Variants in MYO16 observed in about 807,000 individuals in gnomAD.
MYO16 encodes the protein myosin XVI.
A neutral mutation model predicts 205.3 loss-of-function variants in MYO16; 94 were observed. The ratio of observed to expected loss-of-function variants is 0.46; its 90% CI spans 0.39 to 0.54. MYO16 has a LOEUF of 0.54. MYO16 is among the 20% of genes least tolerant of loss of function. The pLI is 0.00. For synonymous variants in MYO16, 988 were observed against 954.0 expected (o/e 1.04, Z -0.66); for missense variants, 2,315 against 2,387.5 (o/e 0.97, Z 0.63).
At chr13:109,035,598 C>T (rs995844086) in intron 23 of MYO16, among the ~76,000 whole-genome samples, 4 of 152,122 alleles carry the variant, frequency 2.6e-5, no homozygotes, top group South Asian at 2.1e-4. Context: ...GCAGGAGAAT[C>T]GCCTGAACCT....
At position 108,993,282 on chromosome 13, in the gene MYO16, G is replaced by A. The variant is rs568826607; in HGVS notation, c.2442+834G>A. 2.4e-4 allele frequency among the ~76,000 whole-genome samples: 36 copies of A among 152,170 alleles called. No homozygotes were observed. In the South Asian group the frequency reaches 7.5e-3, roughly 32 times the overall value. ...GACTTTTAGTAGCGTCGATTTCTTG[G>A]CCAAGATGAAGACTCTATAGTGAAC... is the stretch of plus-strand genomic sequence containing the variant. On this transcript the variant is annotated intron_variant, in intron 21 of 34. Transcript: ENST00000457511.
intron 4 of MYO16, among the ~76,000 whole-genome samples, chr13:108,740,270 C>T (rs1344047088): frequency 6.7e-6 from 1 of 150,212 alleles, no homozygotes; most frequent in Admixed American, 6.7e-5. Context: ...TGTGTTTTGT[C>T]TACCTTTGGT....
At chr13:108,609,706 G>T (rs753732838) in intron 1 of MYO16, among the ~76,000 whole-genome samples, 8 of 152,022 alleles carry the variant, frequency 5.3e-5, no homozygotes, top group Non-Finnish European at 1.0e-4. Flanking sequence ...TTTATACAGA[G>T]ATTTATTTAT....
At chr13:108,636,595 G>A (rs1337121363) in intron 1 of MYO16, among the ~76,000 whole-genome samples, 1 of 151,990 alleles carries the variant, frequency 6.6e-6, no homozygotes. Context: ...GGCCAGGATG[G>A]TCTCGATCTC....
the MYO16 span, among the ~76,000 whole-genome samples, chr13:108,554,963 T>G: frequency 6.6e-6 from 1 of 151,914 alleles, no homozygotes; most frequent in Admixed American, 6.6e-5. Context: ...CAATGCAAAC[T>G]TCTCAAATTA....
chr13:109,159,703 G>T (rs1878276100), intron 32 of MYO16, among the ~76,000 whole-genome samples: 1 of 151,334 alleles, frequency 6.6e-6, no homozygotes, highest in Non-Finnish European at 1.5e-5. Flanking sequence ...TGGCGAGGAA[G>T]ACAGGTGCTG....
chr13:108,640,146 G>A (rs1880438512), intron 1 of MYO16, among the ~76,000 whole-genome samples: 4 of 152,196 alleles, frequency 2.6e-5, no homozygotes, highest in Admixed American at 2.6e-4. Context: ...GAAACAGATG[G>A]CTCAGGTCAG....
chr13:108,853,945 T>C (rs1299096398), intron 10 of MYO16, among the ~76,000 whole-genome samples: 1 of 142,560 alleles, frequency 7.0e-6, no homozygotes, highest in Non-Finnish European at 1.5e-5. Flanking sequence ...TCAATTTGTG[T>C]TTCTATTATT....
At chr13:108,606,850 G>T (rs1473049763) in intron 1 of MYO16, among the ~76,000 whole-genome samples, 1 of 152,192 alleles carries the variant, frequency 6.6e-6, no homozygotes, top group African/African-American at 2.4e-5. Flanking sequence ...AGTGGAAGGG[G>T]TGAAGGGAGC....
intron 27 of MYO16, among the ~76,000 whole-genome samples, chr13:109,071,092 A>G (rs989301231): frequency 6.6e-6 from 1 of 152,222 alleles, no homozygotes; most frequent in African/African-American, 2.4e-5. Flanking sequence ...CATTTTTATC[A>G]GAATCTATTC....
At chr13:108,734,281 C>T (rs960933191) in intron 4 of MYO16, among the ~76,000 whole-genome samples, 3 of 151,738 alleles carry the variant, frequency 2.0e-5, no homozygotes, top group African/African-American at 2.4e-5. Context: ...AAGACAAAAG[C>T]ATTGCCCTGT....
chr13:108,880,133 T>A (rs988819367), intron 12 of MYO16, among the ~76,000 whole-genome samples: 22 of 152,248 alleles, frequency 1.4e-4, no homozygotes, highest in Non-Finnish European at 1.5e-5. Flanking sequence ...CATTTGTTCA[T>A]GTGTCTGTTG....
intron 33 of MYO16, among the ~76,000 whole-genome samples, chr13:109,177,031 A>C (rs1879229229): frequency 1.3e-5 from 2 of 152,178 alleles, no homozygotes; most frequent in African/African-American, 4.8e-5. Context: ...GTGTGGTCAC[A>C]TTTCCGCGAA....
At position 109,206,669 on chromosome 13, in the gene MYO16, T is replaced by C; in HGVS notation, c.5476T>C (p.Trp1826Arg). Residue 1826 changes from tryptophan (W) to arginine (R), a missense_variant, in exon 35 of 35, where the codon TGG becomes CGG. Physicochemically the swap from Trp to Arg is moderately radical, Grantham distance 101 (BLOSUM62 -3). This residue lies in a region of MYO16 where 1,097 missense variants were observed against 1,092.0 expected (regional missense o/e 1.00). Transcript: ENST00000457511. ...TGTGGCCCTGCAGGAACTCTTGGAC[T>C]GGAGGAGAAAGCTCTGTGAGGAAGG... ...ESVALQELLD[W>R]RRKLCEEGQD... The C allele has an allele frequency of 1.2e-6, 2 of 1,614,200 alleles. No homozygotes were observed. The highest frequency in any genetic ancestry group is 1.7e-6 in the Non-Finnish European group (2 of 1,180,020).
At chr13:108,924,842 G>A (rs9555534) in intron 16 of MYO16, among the ~76,000 whole-genome samples, 2,645 of 152,202 alleles carry the variant, frequency 0.017, 55 homozygotes, top group East Asian at 0.043. Context: ...GCACCCTGAC[G>A]TATTCAGTTT....
chr13:108,563,461 A>G, the MYO16 span, among the ~76,000 whole-genome samples: 14 of 152,134 alleles, frequency 9.2e-5, no homozygotes, highest in African/African-American at 3.4e-4. Context: ...CCCACTAACT[A>G]TCACAACCTC....
chr13:108,710,918 A>G (rs546356390), intron 2 of MYO16, among the ~76,000 whole-genome samples: 1 of 152,372 alleles, frequency 6.6e-6, no homozygotes, highest in Admixed American at 6.5e-5. Flanking sequence ...ATTTGCTAAA[A>G]GAATAAATAC....
upstream of MYO16, chr13:108,629,489 G>T (rs972228360): frequency 4.7e-6 from 1 of 211,860 alleles, no homozygotes; most frequent in Non-Finnish European, 9.4e-6. Flanking sequence ...CGGGAGAGCC[G>T]CACTGCAGCA....
intron 1 of MYO16, among the ~76,000 whole-genome samples, chr13:108,658,455 T>TGTGTGC (rs1881343277): frequency 6.6e-6 from 1 of 151,318 alleles, no homozygotes; most frequent in South Asian, 2.1e-4. Flanking sequence ...TGTGTGTGTG[T>TGTGTGC]GTGTTTTCTA....
Sources: allele counts gnomAD v4.1 joint callset (sites outside exome capture counted in the v4.1 genomes callset), GRCh38; gene constraint gnomAD v4.1.1; regional missense constraint gnomAD v4.1.1; transcripts MANE v1.5; gene names NCBI Gene and HGNC (gene_info 2026-07-23, HGNC 2026-07-21).